GK5: variants seen among roughly 807,000 people sequenced by gnomAD.
The protein encoded by GK5 is glycerol kinase 5.
A neutral mutation model predicts 77.3 loss-of-function variants in GK5; 39 were observed. The ratio of observed to expected loss-of-function variants is 0.50; its 90% CI spans 0.39 to 0.66. The LOEUF (loss-of-function observed/expected upper bound fraction) is 0.66. Among genes scored for constraint, GK5 ranks in the 30% least tolerant of loss-of-function variants. The probability of loss-of-function intolerance (pLI) is 0.00; values close to 1 mark genes in which losing one functional copy is unlikely to be tolerated. For synonymous variants in GK5, 211 were observed against 208.0 expected, an observed-to-expected ratio of 1.01 and a Z score of -0.13; for missense variants, 487 against 633.8, an observed-to-expected ratio of 0.77 and a Z score of 2.49.
chr3:142,225,343 C>G lies in GK5; in HGVS notation c.113G>C (p.Arg38Pro). The G allele has an allele frequency of 6.4e-7, 1 of 1,562,988 alleles. No individual in the cohort carries two copies. The highest frequency in any genetic ancestry group is 1.4e-5 in the African/African-American group (1 of 72,954). Residue 38 changes from arginine (R) to proline (P), a missense_variant, in exon 1 of 16, where the codon CGG becomes CCG. By Grantham distance (103) the Arg-to-Pro change is moderately radical. This residue lies in a region of GK5 where 97 missense variants were observed against 86.9 expected (regional missense o/e 1.12). Transcript: ENST00000392993. ...GCTGGAGCCGCAGACCCGCGCCGCC[C>G]GGTCATAGACGTGGCAGCGGATCAC... is the stretch of plus-strand genomic sequence containing the variant. ...SSVIRCHVYD[R>P]AARVCGSSVQ...
chr3:142,170,252 T>A, intron 15 of GK5, 73 bp downstream of exon 15: 1 of 1,499,756 alleles, frequency 6.7e-7, no homozygotes, highest in Non-Finnish European at 9.3e-7. Context: ...AATTTTGTAA[T>A]TTGAGAGGAG....
chr3:142,160,281 C>A lies in GK5; in HGVS notation c.*5341G>T, dbSNP rs770552113. ...CTGGGATTACAGGTGTGAACCACCA[C>A]GCTTATCCTGGGGCTTTTAATTCTT... On this transcript the variant is annotated 3_prime_UTR_variant, in exon 16 of 16. Transcript: ENST00000392993. The A allele has an allele frequency of 6.6e-6, 1 of 152,230 alleles. No homozygotes were observed. The highest frequency in any genetic ancestry group is 1.5e-5 in the Non-Finnish European group (1 of 68,098). The allele number at this position is 152,230 out of a possible 1,614,324, so 9.4% of individuals were successfully genotyped here. A position where few individuals can be genotyped will look rare whatever the true frequency, so the allele number is the denominator to read the frequency against.
At chr3:142,187,506 G>C (rs933218456) in intron 6 of GK5, among the ~76,000 whole-genome samples, 198 bp downstream of exon 6, 4 of 151,780 alleles carry the variant, frequency 2.6e-5, no homozygotes, top group African/African-American at 9.7e-5. Context: ...TCAGGGGGCT[G>C]AAGCGGGAGG....
chr3:142,171,444 T>C lies in GK5; in HGVS notation c.1282A>G (p.Ile428Val). 4.8e-6 allele frequency: 7 copies of C among 1,472,234 alleles called. No homozygotes were observed. The highest frequency in any genetic ancestry group is 6.4e-6 in the Non-Finnish European group (7 of 1,091,518). 91.2% of individuals were successfully genotyped at this position (1,472,234 alleles called of 1,614,324 possible). Residue 428 changes from isoleucine to valine, a missense_variant, in exon 14 of 16, where the codon ATT (isoleucine) becomes GTT (valine). Transcript: ENST00000392993. The stretch of plus-strand genomic sequence containing the variant: ...CGGATTTTTCTTACAGGAATATGAA[T>C]CTCTTTCTTCATCATCTCATATAAC... Reference protein sequence around the residue: ...KQLYEMMKKEIHIPVRKIRAD... With the variant: ...KQLYEMMKKEVHIPVRKIRAD...
At chr3:142,206,433 C>T (rs1201271416) in intron 3 of GK5, among the ~76,000 whole-genome samples, 1 of 152,122 alleles carries the variant, frequency 6.6e-6, no homozygotes, top group Middle Eastern at 3.2e-3. Flanking sequence ...TGTTATCTTC[C>T]TTTTTTTAAA....
chr3:142,175,550 T>C (rs2063598168), intron 12 of GK5, among the ~76,000 whole-genome samples: 1 of 152,214 alleles, frequency 6.6e-6, no homozygotes, highest in Admixed American at 6.5e-5. Context: ...AGGCAGATTA[T>C]AGGTGATCTT....
At chr3:142,214,997 TGAG>T (rs373288991) in intron 2 of GK5, among the ~76,000 whole-genome samples, 3 of 152,304 alleles carry the variant, frequency 2.0e-5, no homozygotes, top group African/African-American at 7.2e-5. Flanking sequence ...ACCAAAAAGA[TGAG>T]AAGAAGCAGT....
intron 1 of GK5, among the ~76,000 whole-genome samples, chr3:142,224,509 G>A (rs1404700055): frequency 6.6e-6 from 1 of 152,208 alleles, no homozygotes; most frequent in African/African-American, 2.4e-5. Context: ...ATTAATATGA[G>A]AACAGAAGGA....
At chr3:142,186,403 A>T in intron 7 of GK5, 49 bp downstream of exon 7, 1 of 1,118,340 alleles carries the variant, frequency 8.9e-7, no homozygotes, top group Non-Finnish European at 1.3e-6. Context: ...AAATCTATCT[A>T]TATTACACAA....
In GK5 at chr3:142,165,699, A is replaced by T; in HGVS notation, c.1513T>A (p.Cys505Ser). 1 of 1,613,284 alleles carries T rather than the reference A, an allele frequency of 6.2e-7. No homozygotes were observed. The highest frequency in any genetic ancestry group is 8.5e-7 in the Non-Finnish European group (1 of 1,179,528). The change falls in exon 16 of 16, where the codon TGT (cysteine) becomes AGT (serine). Residue 505 changes from cysteine to serine, a missense_variant. Physicochemically the swap from Cys to Ser is moderately radical, Grantham distance 112. Around this residue, in one of 4 missense-constraint regions of GK5, gnomAD observed 65 missense variants for 89.9 expected, o/e 0.72. Transcript: ENST00000392993. ...TCCAGACTCATTTCATATTCTTGAC[A>T]TTTCTTCTGTGGCTTGAAAACCACT... ...SEVVFKPQKK[C>S]QEYEMSLENW...
intron 5 of GK5, among the ~76,000 whole-genome samples, chr3:142,192,147 T>C (rs944959184): frequency 2.0e-5 from 3 of 152,140 alleles, no homozygotes; most frequent in Admixed American, 1.3e-4. Flanking sequence ...TACACACCTA[T>C]TGAAACAATA....
intron 4 of GK5, 35 bp from the exon 5 acceptor site, chr3:142,198,968 T>C (rs74836705): frequency 0.14 from 217,646 of 1,508,598 alleles, 16,396 homozygotes; most frequent in Admixed American, 0.22. Flanking sequence ...GGAAAATGCA[T>C]TTAGTAGTGT....
chr3:142,172,773 C>G (rs756468475), intron 12 of GK5, among the ~76,000 whole-genome samples: 1 of 152,254 alleles, frequency 6.6e-6, no homozygotes, highest in African/African-American at 2.4e-5. Flanking sequence ...AATCCCCCTT[C>G]TCCAGCTATA....
At chr3:142,200,977 A>T (rs2064012526) in intron 4 of GK5, among the ~76,000 whole-genome samples, 3 of 152,246 alleles carry the variant, frequency 2.0e-5, no homozygotes, top group Non-Finnish European at 4.4e-5. Flanking sequence ...ATTATTTAAC[A>T]TGCTACTAAG....
intron 5 of GK5, among the ~76,000 whole-genome samples, chr3:142,194,391 T>TGGC (rs1037410213): frequency 1.3e-5 from 2 of 152,114 alleles, no homozygotes; most frequent in Non-Finnish European, 2.9e-5. Flanking sequence ...CTGGGCGTTG[T>TGGC]GGCGCACGCC....
chr3:142,215,546 T>C (rs954326649), intron 2 of GK5, 53 bp downstream of exon 2: 1 of 932,894 alleles, frequency 1.1e-6, no homozygotes, highest in Admixed American at 2.5e-5. Flanking sequence ...TGAGGAAAAC[T>C]ATTACAAAAA....
rs1458483559 is a variant in GK5, at chr3:142,171,476, T to C, written c.1250A>G (p.Asn417Ser). 2 of 1,437,570 alleles carry C rather than the reference T, an allele frequency of 1.4e-6. No individual in the cohort carries two copies. The highest frequency in any genetic ancestry group is 2.6e-5 in the East Asian group (1 of 38,920). The allele number at this position is 1,437,570 out of a possible 1,614,324, so 89.1% of individuals were successfully genotyped here. The change falls in exon 14 of 16, where the codon AAC (asparagine) becomes AGC (serine). Residue 417 changes from asparagine to serine, a missense_variant and splice_region_variant. This residue lies in a region of GK5 where 323 missense variants were observed against 437.4 expected (regional missense o/e 0.74). Transcript: ENST00000392993. ...RAILESIAFR[N>S]KQLYEMMKKE... is the part of the protein sequence containing the mutation. The stretch of plus-strand genomic sequence containing the variant: ...CTTCATCATCTCATATAACTGTTTG[T>C]TTCTAGTTAAAAAACAAGATAACTA...
intron 1 of GK5, among the ~76,000 whole-genome samples, chr3:142,222,309 T>G (rs1560241839): frequency 6.6e-6 from 1 of 152,214 alleles, no homozygotes; most frequent in Admixed American, 6.5e-5. Context: ...CTCATGCCTG[T>G]AATCCCAGCA....
chr3:142,210,443 G>T (rs1385580548), intron 3 of GK5, among the ~76,000 whole-genome samples: 1 of 152,134 alleles, frequency 6.6e-6, no homozygotes, highest in Non-Finnish European at 1.5e-5. Flanking sequence ...GGCTCTTGTG[G>T]AATCTGTCAG....
Sources: gnomAD v4.1 joint callset for allele counts (sites outside exome capture counted in the v4.1 genomes callset) on GRCh38, gnomAD v4.1.1 for gene constraint, gnomAD v4.1.1 regional missense constraint, MANE v1.5 for transcripts, NCBI Gene and HGNC (gene_info 2026-07-23, HGNC 2026-07-21) for gene names.